The following SERPINB8 variants were observed in gnomAD, a reference collection of about 807,000 sequenced individuals.
SERPINB8 encodes serpin B8.
Under a neutral mutation model 35.3 loss-of-function variants are expected in SERPINB8, and 25 were observed. The observed-to-expected ratio is 0.71, with a 90% CI of 0.52 to 0.99. SERPINB8 has a LOEUF of 0.99. SERPINB8 is among the 50% of genes least tolerant of loss of function. The pLI is 0.00. For missense variants in SERPINB8, 484 were observed against 446.5 expected, an observed-to-expected ratio of 1.08 and a Z score of -0.76; for synonymous variants, 186 against 160.8, an observed-to-expected ratio of 1.16 and a Z score of -1.19.
intron 7 of SERPINB8, among the ~76,000 whole-genome samples, chr18:64,018,226 CAAT>C (rs562180873): frequency 3.3e-4 from 50 of 152,220 alleles, no homozygotes; most frequent in Middle Eastern, 3.4e-3. Context: ...CACAATGTAA[CAAT>C]GATCAACTTT....
downstream of SERPINB8, among the ~76,000 whole-genome samples, chr18:63,989,937 T>C (rs1172236031): frequency 2.1e-3 from 185 of 88,936 alleles, 1 homozygote; most frequent in African/African-American, 8.5e-3. Flanking sequence ...AGCGAGACTC[T>C]GTCTCAAAAA....
intron 2 of SERPINB8, 98 bp from the exon 3 acceptor site, chr18:63,979,703 T>A (rs1298810645): frequency 1.4e-6 from 2 of 1,426,082 alleles, no homozygotes. Context: ...TAAAGTAGGA[T>A]CCTGTGTGGT....
At chr18:63,986,228 CT>C (rs781145724) in intron 6 of SERPINB8, 21 of 1,608,708 alleles carry the variant, frequency 1.3e-5, no homozygotes, top group Non-Finnish European at 1.6e-5. Flanking sequence ...GCCTTTCTCC[CT>C]TTTTTCTTTC....
Position 63,986,422 on chromosome 18 carries a change from G to A in SERPINB8, c.721-452G>A. 2 of 1,476,502 alleles carry A rather than the reference G, an allele frequency of 1.4e-6. 1 individual carries two copies. Among genetic ancestry groups the A allele is most frequent in the South Asian group, 3.0e-5 (2 of 67,208 alleles). The allele number at this position is 1,476,502 out of a possible 1,614,324, so 91.5% of individuals were successfully genotyped here. A position where few individuals can be genotyped will look rare whatever the true frequency, so the allele number is the denominator to read the frequency against. The stretch of plus-strand genomic sequence containing the variant: ...AACACAATTCCCTCTCTTTTACTCT[G>A]AGTTGCCCTCTGATTTAACCCTGAA... On this transcript the variant is annotated intron_variant, in intron 6 of 6. Coordinates refer to ENST00000397985, the MANE Select transcript of SERPINB8 (RefSeq NM_002640.4).
downstream of SERPINB8, among the ~76,000 whole-genome samples, chr18:63,991,773 T>C (rs949665657): frequency 6.6e-6 from 1 of 152,174 alleles, no homozygotes; most frequent in Non-Finnish European, 1.5e-5. Flanking sequence ...AAGGCTCCCA[T>C]CATTAAACGT....
rs919859553 is a variant in SERPINB8 at position 63,989,035 on chromosome 18, C to G, written c.*1757C>G. 6.6e-6 allele frequency: 1 copy of G among 152,200 alleles called. No homozygotes were observed. The highest frequency in any genetic ancestry group is 1.5e-5 in the Non-Finnish European group (1 of 68,034). 9.4% of individuals were successfully genotyped at this position (152,200 alleles called of 1,614,324 possible). A position where few individuals can be genotyped will look rare whatever the true frequency, so the allele number is the denominator to read the frequency against. ...TGTAATTTCTCACTCTTCCTTCTCC[C>G]TCTCCCCGTCCCATCCCAACCACTG... On this transcript the variant is annotated 3_prime_UTR_variant, in exon 7 of 7. Transcript: ENST00000397985.
intron 7 of SERPINB8, among the ~76,000 whole-genome samples, chr18:64,011,738 A>G (rs1427130497): frequency 6.6e-6 from 1 of 152,168 alleles, no homozygotes; most frequent in Non-Finnish European, 1.5e-5. Context: ...AATAGTTGAT[A>G]TTAGGGAAGC....
At chr18:63,991,691 A>G (rs930936895), downstream of SERPINB8, among the ~76,000 whole-genome samples, 3 of 148,870 alleles carry the variant, frequency 2.0e-5, no homozygotes, top group Non-Finnish European at 4.5e-5. Context: ...TCTTTGCCTT[A>G]TTGCACTGAC....
At position 63,977,712 on chromosome 18, in the gene SERPINB8, G is replaced by C. The variant is rs118059257; in HGVS notation, c.-10-587G>C. ...TGTCTGTGCCCCTGTTGCTAAGAGG[G>C]ATACAAGTCATAGGCCCTGAGATTG... On this transcript the variant is annotated intron_variant, in intron 1 of 6. Transcript: ENST00000397985. Among the ~76,000 whole-genome samples the C allele has an allele frequency of 3.7e-4, 57 of 152,278 alleles. No individual in the cohort carries two copies. The East Asian group carries it at 0.011, about 28-fold the overall frequency.
Position 63,985,163 on chromosome 18 carries a change from C to A in SERPINB8, c.638C>A (p.Thr213Asn), listed in dbSNP as rs368850268. 3.7e-6 allele frequency: 6 copies of A among 1,614,036 alleles called. No homozygotes were observed. In the African/African-American group the frequency reaches 8.0e-5, roughly 22 times the overall value. The stretch of plus-strand genomic sequence containing the variant: ...ATGGGGTATGCGGATGAGGTACACA[C>A]CCAGGTCCTGGAGCTGCCCTATGTG... ...FKMGYADEVH[T>N]QVLELPYVEE... Residue 213 changes from threonine (T) to asparagine (N), a missense_variant, in exon 6 of 7, where the codon ACC (threonine) becomes AAC (asparagine). Thr to Asn is a moderately conservative substitution (Grantham distance 65). Coordinates refer to ENST00000397985, the MANE Select transcript of SERPINB8 (RefSeq NM_002640.4).
chr18:63,989,514 A>G (rs1364934146), downstream of SERPINB8: 5 of 152,202 alleles, frequency 3.3e-5, no homozygotes, highest in African/African-American at 1.2e-4. Context: ...ATCATTTAAC[A>G]TTCCCAGTAA....
At chr18:63,983,490 C>A in intron 4 of SERPINB8, 89 bp from the exon 5 acceptor site, 1 of 1,295,696 alleles carries the variant, frequency 7.7e-7, no homozygotes, top group Non-Finnish European at 1.1e-6. Context: ...TGTCTCTCAA[C>A]CAAGCCTCTG....
At chr18:64,016,076 C>T (rs1041869313) in intron 7 of SERPINB8, among the ~76,000 whole-genome samples, 3 of 152,170 alleles carry the variant, frequency 2.0e-5, no homozygotes, top group African/African-American at 7.2e-5. Context: ...GTGTCCATGA[C>T]CTGACAATTC....
chr18:63,990,420 C>G (rs199959055), downstream of SERPINB8, among the ~76,000 whole-genome samples: 3 of 152,158 alleles, frequency 2.0e-5, no homozygotes, highest in Non-Finnish European at 4.4e-5. Context: ...GATATGGCTA[C>G]CAAATCTTTT....
At chr18:63,978,261 T>G in intron 1 of SERPINB8, 38 bp from the exon 2 acceptor site, 1 of 1,612,428 alleles carries the variant, frequency 6.2e-7, no homozygotes, top group Non-Finnish European at 8.5e-7. Flanking sequence ...CCGGAGTCAT[T>G]GGCTTATGTG....
At chr18:63,992,909 C>A (rs1005071846), downstream of SERPINB8, among the ~76,000 whole-genome samples, 4 of 152,166 alleles carry the variant, frequency 2.6e-5, no homozygotes, top group African/African-American at 7.2e-5. Flanking sequence ...GACACTGCAT[C>A]CTTTGAACAA....
chr18:63,983,451 C>G, intron 4 of SERPINB8, 128 bp from the exon 5 acceptor site: 1 of 810,360 alleles, frequency 1.2e-6, no homozygotes, highest in Non-Finnish European at 2.0e-6. Flanking sequence ...CCTAATTCAT[C>G]AGGGGCCCAG....
At chr18:64,004,939 T>G (rs907767660) in exon 2 of SERPINB8, 1 of 398,164 alleles carries the variant, frequency 2.5e-6, no homozygotes, top group Non-Finnish European at 4.4e-6. Context: ...AATAATTGGC[T>G]GAAACTCTCT....
intron 7 of SERPINB8, among the ~76,000 whole-genome samples, chr18:64,017,373 G>A (rs889564400): frequency 1.4e-4 from 21 of 152,160 alleles, no homozygotes; most frequent in African/African-American, 4.8e-4. Flanking sequence ...CGTTTCCTAT[G>A]AGGGTAGGAA....
Sources: allele counts gnomAD v4.1 joint callset (sites outside exome capture counted in the v4.1 genomes callset), GRCh38; gene constraint gnomAD v4.1.1; transcripts MANE v1.5; gene names NCBI Gene and HGNC (gene_info 2026-07-23, HGNC 2026-07-21).